The following LRBA variants were observed in gnomAD, a reference collection of about 807,000 sequenced individuals.
LRBA encodes the protein LPS responsive beige-like anchor protein.
LRBA carries 176 observed loss-of-function variants against 330.0 expected under a neutral mutation model. The observed-to-expected ratio is 0.53, with a 90% confidence interval of 0.47 to 0.60. The LOEUF (loss-of-function observed/expected upper bound fraction) is 0.60. LRBA is among the 20% of genes least tolerant of loss of function. The pLI, the probability that LRBA is intolerant of heterozygous loss-of-function variation, is 0.00. For missense variants in LRBA, 3,259 were observed against 3,444.8 expected (o/e 0.95, Z 1.35); for synonymous variants, 1,230 against 1,193.0 (o/e 1.03, Z -0.64).
chr4:150,931,983 G>A (rs1269225452), intron 2 of LRBA, among the ~76,000 whole-genome samples: 1 of 152,104 alleles, frequency 6.6e-6, no homozygotes, highest in Non-Finnish European at 1.5e-5. Context: ...ACCAAGGCGG[G>A]AGAGTCATGT....
intron 38 of LRBA, among the ~76,000 whole-genome samples, chr4:150,597,810 T>C (rs1773677896): frequency 6.6e-6 from 1 of 152,128 alleles, no homozygotes; most frequent in Non-Finnish European, 1.5e-5. Context: ...TAATTAATTC[T>C]ACATTTTATT....
intron 36 of LRBA, among the ~76,000 whole-genome samples, chr4:150,726,646 A>G (rs1178360562): frequency 1.3e-5 from 2 of 152,170 alleles, no homozygotes; most frequent in African/African-American, 4.8e-5. Context: ...AGAAGAGTGA[A>G]GGAGGAATTT....
intron 44 of LRBA, among the ~76,000 whole-genome samples, chr4:150,464,737 G>A (rs1755225969): frequency 6.6e-6 from 1 of 151,998 alleles, no homozygotes; most frequent in South Asian, 2.1e-4. Context: ...CAGCTCAAGT[G>A]TCCTCCATGT....
intron 36 of LRBA, among the ~76,000 whole-genome samples, chr4:150,688,828 T>C (rs754695098): frequency 2.6e-5 from 4 of 152,098 alleles, no homozygotes; most frequent in African/African-American, 4.8e-5. Flanking sequence ...TGTGGAGAAA[T>C]AGGAACGCTT....
chr4:150,337,292 G>C (rs1734882898), intron 48 of LRBA, among the ~76,000 whole-genome samples: 1 of 152,078 alleles, frequency 6.6e-6, no homozygotes, highest in Non-Finnish European at 1.5e-5. Context: ...GAACGGCTCA[G>C]AATTCTGTAG....
Position 150,310,288 on chromosome 4 carries a change from C to T in LRBA, c.7790G>A (p.Arg2597His), listed in dbSNP as rs753881814. The T allele has an allele frequency of 1.8e-5, 29 of 1,611,810 alleles. No homozygotes were observed. Among genetic ancestry groups the T allele is most frequent in the African/African-American group, 8.0e-5 (6 of 74,862 alleles). Residue 2597 changes from arginine (R) to histidine (H), a missense_variant, in exon 52 of 57, where the codon CGC (arginine) becomes CAC (histidine). By Grantham distance (29) the Arg-to-His change is conservative (BLOSUM62 0). Coordinates refer to ENST00000651943, the MANE Select transcript of LRBA (RefSeq NM_001364905.1). ...SQCFVITSDN[R>H]YILVCGFWDK... is the part of the protein sequence containing the mutation. ...CCAGAAGCCACAGACGAGAATATAG[C>T]GGTTGTCTGAAGTGATGACAAAGCA...
At chr4:150,720,647 A>G (rs1346391825) in intron 36 of LRBA, among the ~76,000 whole-genome samples, 1 of 152,200 alleles carries the variant, frequency 6.6e-6, no homozygotes, top group East Asian at 1.9e-4. Context: ...AAGCAAGAAA[A>G]AACAAAATAA....
intron 28 of LRBA, among the ~76,000 whole-genome samples, chr4:150,835,747 AC>A (rs1747944486): frequency 6.6e-6 from 1 of 152,170 alleles, no homozygotes; most frequent in Non-Finnish European, 1.5e-5. Flanking sequence ...TCATCTGCAA[AC>A]AGGGACAATT....
intron 37 of LRBA, among the ~76,000 whole-genome samples, chr4:150,677,534 A>G (rs72736384): frequency 2.9e-4 from 44 of 152,254 alleles, no homozygotes; most frequent in Non-Finnish European, 5.1e-4. Context: ...GAAATTATAC[A>G]AAAATATTTT....
At chr4:150,887,390 A>G (rs1197141652) in intron 17 of LRBA, among the ~76,000 whole-genome samples, 2 of 152,218 alleles carry the variant, frequency 1.3e-5, no homozygotes, top group Admixed American at 1.3e-4. Context: ...CTCTATCAGA[A>G]GATCTAATAC....
chr4:150,480,056 C>T (rs1757127875), intron 42 of LRBA, among the ~76,000 whole-genome samples: 3 of 152,186 alleles, frequency 2.0e-5, no homozygotes, highest in Non-Finnish European at 4.4e-5. Context: ...TACGTTTCCA[C>T]CACGAATATG....
chr4:150,881,066 G>T lies in LRBA; in HGVS notation c.2166-8311C>A, dbSNP rs563716877. Among the ~76,000 whole-genome samples the T allele has an allele frequency of 3.3e-5, 5 of 152,162 alleles. No homozygotes were observed. In the East Asian group the frequency reaches 7.7e-4, roughly 23 times the overall value. On this transcript the variant is annotated intron_variant, in intron 17 of 56. Transcript: ENST00000651943. The stretch of plus-strand genomic sequence containing the variant: ...GATTCTGGCAAAGCTGCAGAGAAAA[G>T]GTTGGTGGGAATGTAAGTTAGTTCA...
chr4:150,269,775 C>T (rs137977971), intron 56 of LRBA, among the ~76,000 whole-genome samples: 1 of 152,026 alleles, frequency 6.6e-6, no homozygotes, highest in Non-Finnish European at 1.5e-5. Flanking sequence ...ATAGTGAGAC[C>T]CTGTCTCTAC....
At chr4:150,805,428 G>A (rs1474242973) in intron 33 of LRBA, among the ~76,000 whole-genome samples, 1 of 102,540 alleles carries the variant, frequency 9.8e-6, no homozygotes, top group Admixed American at 1.2e-4. Context: ...GAAAGGAAAG[G>A]AAAGGAAAGG....
At chr4:150,601,932 C>T (rs1024935301) in intron 37 of LRBA, among the ~76,000 whole-genome samples, 3 of 152,094 alleles carry the variant, frequency 2.0e-5, no homozygotes, top group African/African-American at 7.2e-5. Context: ...ACCTCATGAT[C>T]CGCCCGCCTC....
At chr4:150,305,675 A>G (rs991848019) in intron 52 of LRBA, among the ~76,000 whole-genome samples, 1 of 152,232 alleles carries the variant, frequency 6.6e-6, no homozygotes, top group Non-Finnish European at 1.5e-5. Context: ...GGGAAGATCT[A>G]AATGAGAGAG....
intron 36 of LRBA, 127 bp from the exon 37 acceptor site, chr4:150,683,844 CCTAA>C (rs1464235078): frequency 6.2e-6 from 4 of 645,900 alleles, no homozygotes; most frequent in African/African-American, 3.7e-5. Context: ...TCCTCATTCA[CCTAA>C]CTGAGATTTA....
At chr4:150,589,664 T>A (rs1028033182) in intron 39 of LRBA, among the ~76,000 whole-genome samples, 6 of 152,214 alleles carry the variant, frequency 3.9e-5, no homozygotes, top group African/African-American at 1.4e-4. Flanking sequence ...ACTTCATTTC[T>A]AACCCACACC....
chr4:150,582,813 C>T, intron 40 of LRBA: 1 of 493,632 alleles, frequency 2.0e-6, no homozygotes, highest in South Asian at 4.7e-5. Context: ...CCTAATTCTT[C>T]TGCAGAAGAA....
Sources: gnomAD v4.1 joint callset for allele counts (sites outside exome capture counted in the v4.1 genomes callset) on GRCh38, gnomAD v4.1.1 for gene constraint, MANE v1.5 for transcripts, NCBI Gene and HGNC (gene_info 2026-07-23, HGNC 2026-07-21) for gene names.